Variants in GDF6 observed in about 807,000 individuals in gnomAD.
The protein encoded by GDF6 is growth/differentiation factor 6.
In GDF6, 3 loss-of-function variants were observed where a neutral mutation model predicts 32.4. The ratio of observed to expected loss-of-function variants is 0.09; its 90% confidence interval spans 0.04 to 0.24. The LOEUF (loss-of-function observed/expected upper bound fraction) is 0.24, where lower values mean the gene tolerates loss of function less well. Among genes scored for constraint, GDF6 ranks in the 10% least tolerant of loss-of-function variants. GDF6 has a pLI of 1.00. For synonymous variants in GDF6, 296 were observed against 295.3 expected, an observed-to-expected ratio of 1.00 and a Z score of -0.03; for missense variants, 589 against 637.9, an observed-to-expected ratio of 0.92 and a Z score of 0.83.
chr8:96,151,515 G>C (rs1380681164), intron 1 of GDF6, among the ~76,000 whole-genome samples: 1 of 152,144 alleles, frequency 6.6e-6, no homozygotes, highest in Non-Finnish European at 1.5e-5. Context: ...GTGCCTTGTA[G>C]AAACCCTGAG....
At chr8:96,149,948 C>T (rs1309808640) in intron 1 of GDF6, among the ~76,000 whole-genome samples, 1 of 152,242 alleles carries the variant, frequency 6.6e-6, no homozygotes, top group Non-Finnish European at 1.5e-5. Context: ...CTGCCCACTC[C>T]AGCCCCAGAG....
intron 1 of GDF6, among the ~76,000 whole-genome samples, chr8:96,147,389 C>T (rs1488123192): frequency 6.6e-6 from 1 of 152,242 alleles, no homozygotes; most frequent in Non-Finnish European, 1.5e-5. Context: ...AAACCTGTGT[C>T]TGACAATGCT....
In GDF6 at chr8:96,160,425, G is replaced by T. The variant is rs1395008591; in HGVS notation, c.268C>A (p.Pro90Thr). 1 of 1,614,086 alleles carries T rather than the reference G, an allele frequency of 6.2e-7. No individual in the cohort carries two copies. Residue 90 changes from proline (P) to threonine (T), a missense_variant, in exon 1 of 2, where the codon CCG becomes ACG. By Grantham distance (38) the Pro-to-Thr change is conservative (BLOSUM62 -1). Transcript: ENST00000287020. The stretch of plus-strand genomic sequence containing the variant: ...ATGTACTCGTGGGGCACCACGCGCG[G>T]ACCCCTGCCTGGCGGCTCCTGCGCC... ...PRAQEPPGRG[P>T]RVVPHEYMLS...
At chr8:96,157,393 C>CG (rs1563513616) in intron 1 of GDF6, among the ~76,000 whole-genome samples, 1 of 152,144 alleles carries the variant, frequency 6.6e-6, no homozygotes, top group African/African-American at 2.4e-5. Flanking sequence ...TTGGGGTTTC[C>CG]GGGGTAAGGA....
Position 96,144,788 on chromosome 8 carries a change from A to G in GDF6, c.1143T>C (p.Tyr381=). Residue 381 remains tyrosine (Y), a synonymous_variant, in exon 2 of 2, where the codon TAT becomes TAC. Coordinates refer to ENST00000287020, the MANE Select transcript of GDF6 (RefSeq NM_001001557.4). The surrounding 1 kb of genome is among the most constrained non-coding windows in gnomAD (Gnocchi z 5.1). The part of the protein sequence containing the change: ...WIIAPLEYEA[Y]HCEGVCDFPL... The stretch of plus-strand genomic sequence containing the variant: ...GGAAGTCGCATACACCCTCGCAGTG[A>G]TAGGCCTCGTACTCCAGGGGCGCGA... The G allele has an allele frequency of 1.2e-6, 2 of 1,614,100 alleles. No homozygotes were observed. The highest frequency in any genetic ancestry group is 1.3e-5 in the African/African-American group (1 of 75,028).
At chr8:96,158,442 C>G (rs1402000182) in intron 1 of GDF6, among the ~76,000 whole-genome samples, 3 of 152,236 alleles carry the variant, frequency 2.0e-5, no homozygotes, top group East Asian at 1.9e-4. Context: ...CACCTCCGAA[C>G]AGCCCGCAGG....
At chr8:96,148,941 A>T (rs969573488) in intron 1 of GDF6, among the ~76,000 whole-genome samples, 6 of 152,244 alleles carry the variant, frequency 3.9e-5, no homozygotes, top group African/African-American at 1.4e-4. Context: ...TCACAGAAAT[A>T]GCTCAGAGGA....
intron 1 of GDF6, among the ~76,000 whole-genome samples, chr8:96,154,330 G>C (rs1255727750): frequency 3.3e-5 from 5 of 152,126 alleles, no homozygotes; most frequent in Non-Finnish European, 5.9e-5. Flanking sequence ...CCCCTTCCAA[G>C]CTCTTGCAGC....
At chr8:96,146,980 T>C (rs1812496406) in intron 1 of GDF6, among the ~76,000 whole-genome samples, 1 of 152,192 alleles carries the variant, frequency 6.6e-6, no homozygotes, top group African/African-American at 2.4e-5. Context: ...TAACCAGATT[T>C]TCCTGGGCTG....
intron 1 of GDF6, among the ~76,000 whole-genome samples, chr8:96,147,140 C>A (rs1450329058): frequency 3.9e-5 from 6 of 152,162 alleles, no homozygotes; most frequent in Admixed American, 6.5e-5. Context: ...CAGATGTAGC[C>A]CGGGGGCACT....
rs1285124798 is a variant in GDF6 at position 96,145,242 on chromosome 8, C to T, written c.689G>A (p.Cys230Tyr). The change falls in exon 2 of 2, where the codon TGC becomes TAC. Residue 230 changes from cysteine to tyrosine, a missense_variant. By Grantham distance (194) the Cys-to-Tyr change is radical. This residue lies in a region of GDF6 where 436 missense variants were observed against 411.2 expected (regional missense o/e 1.06). Transcript: ENST00000287020. The surrounding 1 kb of genome is among the most constrained non-coding windows in gnomAD (Gnocchi z 5.6). ...GLRHQPWKQL[C>Y]LELRAAWGEL... is the part of the protein sequence containing the mutation. ...GCCCCATGCGGCCCGCAGCTCCAAG[C>T]ACAGCTGCTTCCAGGGCTGGTGGCG... 6.6e-7 allele frequency: 1 copy of T among 1,524,434 alleles called. No homozygotes were observed. The highest frequency in any genetic ancestry group is 1.4e-5 in the African/African-American group (1 of 71,560). The allele number at this position is 1,524,434 out of a possible 1,614,324, so 94.4% of individuals were successfully genotyped here.
intron 1 of GDF6, among the ~76,000 whole-genome samples, chr8:96,148,852 C>A (rs2514525): frequency 0.41 from 62,516 of 152,066 alleles, 13,841 homozygotes; most frequent in Non-Finnish European, 0.51. Flanking sequence ...ACCTCTAACC[C>A]CTAAACAGAA....
Position 96,151,137 on chromosome 8 carries a change from G to C in GDF6, c.407-5613C>G, listed in dbSNP as rs144875492. Among the ~76,000 whole-genome samples, 55 of 152,330 alleles carry C rather than the reference G, an allele frequency of 3.6e-4. No individual in the cohort carries two copies. In the East Asian group the frequency reaches 0.01, roughly 28 times the overall value. ...GATACTCATCCTGAGTCAGGCCTCTGTTGAGATCTGAGCTTTGCAAGCTGC... is the reference window on the plus strand; with the variant it reads ...GATACTCATCCTGAGTCAGGCCTCTCTTGAGATCTGAGCTTTGCAAGCTGC... On this transcript the variant is annotated intron_variant, in intron 1 of 1. Coordinates refer to ENST00000287020, the MANE Select transcript of GDF6 (RefSeq NM_001001557.4).
At chr8:96,153,350 C>G (rs753815810) in intron 1 of GDF6, among the ~76,000 whole-genome samples, 7 of 152,246 alleles carry the variant, frequency 4.6e-5, no homozygotes, top group Non-Finnish European at 8.8e-5. Flanking sequence ...GGGTCCCATT[C>G]TGGGCTCCCG....
chr8:96,153,843 G>A (rs1271914961), intron 1 of GDF6, among the ~76,000 whole-genome samples: 1 of 152,110 alleles, frequency 6.6e-6, no homozygotes, highest in Non-Finnish European at 1.5e-5. Flanking sequence ...TCTTTAAGGT[G>A]CTGGGCCGTG....
intron 1 of GDF6, among the ~76,000 whole-genome samples, chr8:96,148,410 A>G (rs1297060960): frequency 2.0e-5 from 3 of 152,226 alleles, no homozygotes; most frequent in Non-Finnish European, 4.4e-5. Flanking sequence ...TGGCCCAGGT[A>G]TCTGGAGCTT....
Position 96,154,984 on chromosome 8 carries a change from A to C in GDF6, c.406+5303T>G, listed in dbSNP as rs1812635304. 2.0e-5 allele frequency among the ~76,000 whole-genome samples: 3 copies of C among 152,174 alleles called. No homozygotes were observed. The South Asian group carries it at 6.2e-4, about 31-fold the overall frequency. On this transcript the variant is annotated intron_variant, in intron 1 of 1. Coordinates refer to ENST00000287020, the MANE Select transcript of GDF6 (RefSeq NM_001001557.4). ...GGTGACACGCATCCTCTCCGGTCGG[A>C]AAGAGGAGCTTTCAAGTCCTGATTC...
Position 96,160,460 on chromosome 8 carries a change from T to G in GDF6, c.233A>C (p.Gln78Pro), listed in dbSNP as rs767034161. The G allele has an allele frequency of 3.7e-6, 6 of 1,613,218 alleles. No homozygotes were observed. Among genetic ancestry groups the G allele is most frequent in the Non-Finnish European group, 5.1e-6 (6 of 1,179,660 alleles). ...TGGCGGCTCCTGCGCCCGGGGCTGC[T>G]GAGCCCGGGGTTCGTCCTGAGGCCG... ...QPRPQDEPRA[Q>P]QPRAQEPPGR... is the part of the protein sequence containing the mutation. Residue 78 changes from glutamine (Q) to proline (P), a missense_variant, in exon 1 of 2, where the codon CAG (glutamine) becomes CCG (proline). Physicochemically the swap from Gln to Pro is moderately conservative, Grantham distance 76 (BLOSUM62 -1). Coordinates refer to ENST00000287020, the MANE Select transcript of GDF6 (RefSeq NM_001001557.4).
At chr8:96,154,240 C>T (rs1330053257) in intron 1 of GDF6, among the ~76,000 whole-genome samples, 2 of 152,134 alleles carry the variant, frequency 1.3e-5, no homozygotes, top group Non-Finnish European at 2.9e-5. Flanking sequence ...CTAAACCATG[C>T]CCCGCCCCCA....
Sources: allele counts gnomAD v4.1 joint callset (sites outside exome capture counted in the v4.1 genomes callset), GRCh38; gene constraint gnomAD v4.1.1; regional missense constraint gnomAD v4.1.1; non-coding constraint Gnocchi (gnomAD v3.1); transcripts MANE v1.5; gene names NCBI Gene and HGNC (gene_info 2026-07-23, HGNC 2026-07-21).